The following ASB7 variants were observed in gnomAD, a reference collection of about 807,000 sequenced individuals.
The protein encoded by ASB7 is ankyrin repeat and SOCS box containing 7.
ASB7 carries 4 observed loss-of-function variants against 32.5 expected under a neutral mutation model. That is an observed-to-expected ratio of 0.12 (90% CI 0.06 to 0.28). ASB7 has a LOEUF of 0.28. Among genes scored for constraint, ASB7 ranks in the 10% least tolerant of loss-of-function variants. The pLI, the probability that ASB7 is intolerant of heterozygous loss-of-function variation, is 1.00. For synonymous variants in ASB7, 172 were observed against 155.6 expected (o/e 1.11, Z -0.78); for missense variants, 181 against 407.1 (o/e 0.44, Z 4.78).
In ASB7 at chr15:100,650,602, A is replaced by G. The variant is rs2040025424; in HGVS notation, c.*2140A>G. The G allele has an allele frequency of 6.6e-6, 1 of 152,222 alleles. No homozygotes were observed. The highest frequency in any genetic ancestry group is 2.4e-5 in the African/African-American group (1 of 41,450). 9.4% of individuals were successfully genotyped at this position (152,222 alleles called of 1,614,324 possible). On this transcript the variant is annotated 3_prime_UTR_variant, in exon 6 of 6. Transcript: ENST00000332783. ...CCAGCCATTCAGAGGTTTCCAAACT[A>G]AGCCACTGAGTTTGAGTCAGGGAAT...
chr15:100,636,408 G>T (rs144132182), intron 5 of ASB7, among the ~76,000 whole-genome samples: 5 of 152,154 alleles, frequency 3.3e-5, no homozygotes, highest in African/African-American at 1.2e-4. Context: ...ATATCTGTCC[G>T]TTGTCCTTTG....
intron 2 of ASB7, among the ~76,000 whole-genome samples, chr15:100,608,508 T>C (rs185603873): frequency 8.5e-5 from 13 of 152,312 alleles, no homozygotes; most frequent in Non-Finnish European, 1.6e-4. Flanking sequence ...CTTTGGCTAT[T>C]GAGGGATCTT....
At chr15:100,641,335 A>G (rs1477456690) in intron 5 of ASB7, among the ~76,000 whole-genome samples, 2 of 152,160 alleles carry the variant, frequency 1.3e-5, no homozygotes, top group Non-Finnish European at 2.9e-5. Flanking sequence ...TTCAGTCATA[A>G]TCTTCTACTC....
intron 5 of ASB7, among the ~76,000 whole-genome samples, chr15:100,642,655 A>T (rs1231409401): frequency 6.6e-6 from 1 of 152,250 alleles, no homozygotes; most frequent in Non-Finnish European, 1.5e-5. Context: ...TTAGTGGCTT[A>T]AAACAACAAG....
Position 100,650,014 on chromosome 15 carries a change from G to C in ASB7, c.*1552G>C, listed in dbSNP as rs190254311. ...TCTGGCTTCACCTTTTTCAGAGCCA[G>C]CAGTGCTGTTTTCTCAAGCACAGCG... On this transcript the variant is annotated 3_prime_UTR_variant, in exon 6 of 6. Transcript: ENST00000332783. The C allele has an allele frequency of 6.6e-6, 1 of 152,362 alleles. No homozygotes were observed. The highest frequency in any genetic ancestry group is 1.5e-5 in the Non-Finnish European group (1 of 68,018). The allele number at this position is 152,362 out of a possible 1,614,324, so 9.4% of individuals were successfully genotyped here. A position where few individuals can be genotyped will look rare whatever the true frequency, so the allele number is the denominator to read the frequency against.
intron 2 of ASB7, among the ~76,000 whole-genome samples, chr15:100,607,426 GT>G (rs2039655195): frequency 6.6e-6 from 1 of 152,184 alleles, no homozygotes; most frequent in African/African-American, 2.4e-5. Flanking sequence ...GAAATTACTT[GT>G]TGATGCTTTT....
rs568368016 is a variant in ASB7, at chr15:100,651,326, C to T, written c.*2864C>T. 4.7e-4 allele frequency: 71 copies of T among 152,018 alleles called. No individual in the cohort carries two copies. The highest frequency in any genetic ancestry group is 7.9e-4 in the Admixed American group (12 of 15,264). 9.4% of individuals were successfully genotyped at this position (152,018 alleles called of 1,614,324 possible). A position where few individuals can be genotyped will look rare whatever the true frequency, so the allele number is the denominator to read the frequency against. ...AATCCATGCCTGTTAGTTTGGAGGA[C>T]TTGACTGTCTCATTTTTTAATTCAT... is the stretch of plus-strand genomic sequence containing the variant. On this transcript the variant is annotated 3_prime_UTR_variant, in exon 6 of 6. Coordinates refer to ENST00000332783, the MANE Select transcript of ASB7 (RefSeq NM_198243.3).
Position 100,627,761 on chromosome 15 carries a change from T to G in ASB7, c.212-1676T>G, listed in dbSNP as rs183518496. ...AAAGAAGGTATTCTTAAATTTCACT[T>G]GCAGATTAAGAGGGAATGTCTGCCA... is the stretch of plus-strand genomic sequence containing the variant. On this transcript the variant is annotated intron_variant, in intron 4 of 5. Coordinates refer to ENST00000332783, the MANE Select transcript of ASB7 (RefSeq NM_198243.3). Among the ~76,000 whole-genome samples the G allele has an allele frequency of 8.6e-4, 131 of 152,350 alleles. 1 individual carries two copies. Among genetic ancestry groups the G allele is most frequent in the African/African-American group, 3.1e-3 (130 of 41,582 alleles).
At chr15:100,618,410 C>G (rs1295323102) in intron 4 of ASB7, among the ~76,000 whole-genome samples, 1 of 152,112 alleles carries the variant, frequency 6.6e-6, no homozygotes, top group Non-Finnish European at 1.5e-5. Context: ...CCACCGCGTC[C>G]AGTCTCGAAA....
At chr15:100,630,570 G>A (rs533912103) in intron 5 of ASB7, among the ~76,000 whole-genome samples, 42 of 152,348 alleles carry the variant, frequency 2.8e-4, no homozygotes, top group Admixed American at 6.5e-4. Flanking sequence ...ACTCGTGGAA[G>A]TTAAGGATGC....
At chr15:100,647,409 A>G (rs2040003931) in intron 5 of ASB7, among the ~76,000 whole-genome samples, 1 of 152,268 alleles carries the variant, frequency 6.6e-6, no homozygotes, top group Non-Finnish European at 1.5e-5. Context: ...CAGAGTAAGT[A>G]TTCAATATAT....
At chr15:100,637,374 G>A (rs1265457575) in intron 5 of ASB7, among the ~76,000 whole-genome samples, 2 of 152,220 alleles carry the variant, frequency 1.3e-5, no homozygotes, top group African/African-American at 4.8e-5. Flanking sequence ...CTTTGCAAAT[G>A]AGGATTTTAG....
chr15:100,647,342 C>G (rs1199405445), intron 5 of ASB7, among the ~76,000 whole-genome samples: 1 of 152,134 alleles, frequency 6.6e-6, no homozygotes, highest in Non-Finnish European at 1.5e-5. Context: ...AAGTACTTCC[C>G]TCGTAAAAGG....
At chr15:100,618,323 T>C (rs1401788687) in intron 4 of ASB7, among the ~76,000 whole-genome samples, 1 of 151,858 alleles carries the variant, frequency 6.6e-6, no homozygotes, top group Non-Finnish European at 1.5e-5. Context: ...CCATGTTGGC[T>C]AGGCTGGTCC....
intron 4 of ASB7, among the ~76,000 whole-genome samples, chr15:100,627,234 T>C (rs1195330977): frequency 6.6e-6 from 1 of 152,170 alleles, no homozygotes; most frequent in Admixed American, 6.5e-5. Flanking sequence ...GGAGAAAATG[T>C]TTGCTAAGGG....
chr15:100,607,943 G>C (rs995078270), intron 2 of ASB7, among the ~76,000 whole-genome samples: 1 of 152,160 alleles, frequency 6.6e-6, no homozygotes, highest in African/African-American at 2.4e-5. Flanking sequence ...CTCTCATGCC[G>C]TCTTCCCTGA....
At chr15:100,606,925 C>T (rs939876055) in intron 2 of ASB7, among the ~76,000 whole-genome samples, 2 of 152,074 alleles carry the variant, frequency 1.3e-5, no homozygotes, top group Non-Finnish European at 2.9e-5. Flanking sequence ...GAGGCCGAGG[C>T]GGGCGGATCA....
intron 4 of ASB7, among the ~76,000 whole-genome samples, chr15:100,618,622 GGT>G (rs57805541): frequency 5.3e-5 from 8 of 150,200 alleles, no homozygotes; most frequent in Admixed American, 3.3e-4. Context: ...CTGTGTGTGT[GGT>G]GTGTGTGTGT....
intron 4 of ASB7, among the ~76,000 whole-genome samples, chr15:100,613,805 C>G (rs1159720693): frequency 6.6e-6 from 1 of 152,200 alleles, no homozygotes; most frequent in Non-Finnish European, 1.5e-5. Flanking sequence ...TGAATATTGT[C>G]TCTTTCAAAT....
Sources: gnomAD v4.1 joint callset for allele counts (sites outside exome capture counted in the v4.1 genomes callset) on GRCh38, gnomAD v4.1.1 for gene constraint, MANE v1.5 for transcripts, NCBI Gene and HGNC (gene_info 2026-07-23, HGNC 2026-07-21) for gene names.